The following MBNL1 variants were observed in gnomAD, a reference collection of about 807,000 sequenced individuals.
The protein encoded by MBNL1 is muscleblind like splicing regulator 1.
A neutral mutation model predicts 42.2 loss-of-function variants in MBNL1; 8 were observed. The observed-to-expected ratio is 0.19, with a 90% CI of 0.11 to 0.34. The LOEUF (loss-of-function observed/expected upper bound fraction) is 0.34. Ranked by LOEUF, MBNL1 falls within the 10% of genes least tolerant of loss-of-function variation. MBNL1 has a pLI of 1.00. For missense variants in MBNL1, 309 were observed against 495.3 expected (o/e 0.62, Z 3.57); for synonymous variants, 169 against 173.9 (o/e 0.97, Z 0.22).
intron 8 of MBNL1, chr3:152,458,360 G>C: frequency 1.7e-6 from 1 of 600,746 alleles, no homozygotes; most frequent in Non-Finnish European, 2.9e-6. Flanking sequence ...TGTCTAAATT[G>C]AAAGAACAGC....
intron 2 of MBNL1, among the ~76,000 whole-genome samples, chr3:152,314,891 G>T (rs2069683761): frequency 6.6e-6 from 1 of 152,126 alleles, no homozygotes; most frequent in Admixed American, 6.5e-5. Context: ...AACTGTTCTT[G>T]TTATAGTCTA....
intron 2 of MBNL1, among the ~76,000 whole-genome samples, chr3:152,368,187 A>G (rs780037993): frequency 4.4e-4 from 67 of 152,142 alleles, no homozygotes; most frequent in Non-Finnish European, 8.7e-4. Flanking sequence ...TGATTTTTGC[A>G]TAAGGTTTAA....
At chr3:152,316,557 T>A (rs1348118504) in intron 2 of MBNL1, among the ~76,000 whole-genome samples, 1 of 152,172 alleles carries the variant, frequency 6.6e-6, no homozygotes, top group Non-Finnish European at 1.5e-5. Flanking sequence ...CACTGCTTGC[T>A]CTATCACCTA....
intron 2 of MBNL1, among the ~76,000 whole-genome samples, chr3:152,362,852 A>G (rs1374628423): frequency 6.6e-6 from 1 of 152,192 alleles, no homozygotes; most frequent in Admixed American, 6.5e-5. Context: ...ATCTATATTG[A>G]TACATCTGTA....
chr3:152,251,090 A>G (rs983179289), intron 2 of MBNL1, among the ~76,000 whole-genome samples: 5 of 152,104 alleles, frequency 3.3e-5, no homozygotes, highest in African/African-American at 1.2e-4. Context: ...CTCTTATATT[A>G]TGGTTACATC....
At chr3:152,327,691 G>A (rs746339269) in intron 2 of MBNL1, among the ~76,000 whole-genome samples, 31 of 152,068 alleles carry the variant, frequency 2.0e-4, no homozygotes, top group Admixed American at 3.9e-4. Flanking sequence ...TTTTCCACTC[G>A]TGATGTGATT....
chr3:152,321,033 T>C (rs1426514469), intron 2 of MBNL1, among the ~76,000 whole-genome samples: 1 of 152,124 alleles, frequency 6.6e-6, no homozygotes, highest in East Asian at 1.9e-4. Flanking sequence ...CTGCCACTTA[T>C]TAACTTGCTC....
intron 2 of MBNL1, among the ~76,000 whole-genome samples, chr3:152,342,015 AT>A (rs1006687016): frequency 1.3e-5 from 2 of 152,130 alleles, no homozygotes; most frequent in Non-Finnish European, 2.9e-5. Context: ...TATTTTATTT[AT>A]TTTTCACAAA....
chr3:152,455,590 T>G lies in MBNL1; in HGVS notation c.997+13T>G. On this transcript the variant is annotated intron_variant, in intron 7 of 9. Coordinates refer to ENST00000324210, the MANE Select transcript of MBNL1 (RefSeq NM_021038.5). ...GCTACAAGTGTTGGTAGGTGCCAGC[T>G]TTGTTTCTTGATTATCTTAAACCTA... The G allele has an allele frequency of 6.2e-7, 1 of 1,613,096 alleles. No homozygotes were observed. Among genetic ancestry groups the G allele is most frequent in the Non-Finnish European group, 8.5e-7 (1 of 1,179,136 alleles).
intron 2 of MBNL1, among the ~76,000 whole-genome samples, chr3:152,384,395 A>G (rs1180857591): frequency 1.3e-5 from 2 of 152,142 alleles, no homozygotes; most frequent in African/African-American, 4.8e-5. Flanking sequence ...AAGATAATTG[A>G]AAATAAAATG....
intron 3 of MBNL1, among the ~76,000 whole-genome samples, chr3:152,420,344 G>A (rs914302777): frequency 7.2e-5 from 11 of 152,130 alleles, no homozygotes; most frequent in African/African-American, 1.9e-4. Context: ...AGCAGGGATC[G>A]AAAGACACTT....
intron 2 of MBNL1, among the ~76,000 whole-genome samples, chr3:152,314,375 A>AT (rs2069145260): frequency 6.8e-6 from 1 of 146,378 alleles, no homozygotes; most frequent in African/African-American, 2.5e-5. Context: ...TTGCTCCAAG[A>AT]CTTTTTTTTT....
In MBNL1 at chr3:152,283,929, C is replaced by T. The variant is rs917300941; in HGVS notation, c.-790+14837C>T. 2.0e-5 allele frequency among the ~76,000 whole-genome samples: 3 copies of T among 152,224 alleles called. 1 individual carries two copies. In the South Asian group the frequency reaches 6.2e-4, roughly 32 times the overall value. The stretch of plus-strand genomic sequence containing the variant: ...TTTTGAAACTAACCTTGACCTCTCT[C>T]TTTAACTTACCAAGCTTTCTTGTTA... On this transcript the variant is annotated intron_variant, in intron 1 of 9. Coordinates refer to ENST00000324210, the MANE Select transcript of MBNL1 (RefSeq NM_021038.5).
chr3:152,345,487 G>A (rs1259496633), intron 2 of MBNL1, among the ~76,000 whole-genome samples: 4 of 152,106 alleles, frequency 2.6e-5, no homozygotes, highest in Non-Finnish European at 5.9e-5. Context: ...GATTTCCTAT[G>A]TGGAAATAGG....
chr3:152,296,121 A>C (rs893876521), intron 1 of MBNL1, among the ~76,000 whole-genome samples: 2 of 152,174 alleles, frequency 1.3e-5, no homozygotes, highest in African/African-American at 4.8e-5. Context: ...GAAAAACAGC[A>C]CGGTAGATGA....
chr3:152,275,584 C>G (rs968198200), intron 1 of MBNL1, among the ~76,000 whole-genome samples: 1 of 151,854 alleles, frequency 6.6e-6, no homozygotes, highest in African/African-American at 2.4e-5. Context: ...TGGCGCATGC[C>G]TGTAATCCCA....
intron 9 of MBNL1, among the ~76,000 whole-genome samples, chr3:152,460,139 AG>A: frequency 6.6e-6 from 1 of 152,072 alleles, no homozygotes; most frequent in East Asian, 1.9e-4. Context: ...CTGTAGTTCC[AG>A]CTACTAGGGA....
At chr3:152,347,826 T>C (rs962925658) in intron 2 of MBNL1, among the ~76,000 whole-genome samples, 3 of 152,162 alleles carry the variant, frequency 2.0e-5, no homozygotes, top group South Asian at 2.1e-4. Flanking sequence ...TGTGAAATAA[T>C]TCATTTATCT....
chr3:152,376,149 A>G (rs1356482285), intron 2 of MBNL1, among the ~76,000 whole-genome samples: 1 of 152,198 alleles, frequency 6.6e-6, no homozygotes, highest in Non-Finnish European at 1.5e-5. Context: ...GAATATATTA[A>G]TAAGTTTTTA....
Sources: gnomAD v4.1 joint callset for allele counts (sites outside exome capture counted in the v4.1 genomes callset) on GRCh38, gnomAD v4.1.1 for gene constraint, MANE v1.5 for transcripts, NCBI Gene and HGNC (gene_info 2026-07-23, HGNC 2026-07-21) for gene names.